The following NOTCH4 variants were observed in gnomAD, a reference collection of about 807,000 sequenced individuals.
The protein encoded by NOTCH4 is neurogenic locus notch homolog protein 4.
Under a neutral mutation model 189.0 loss-of-function variants are expected in NOTCH4, and 138 were observed. The ratio of observed to expected loss-of-function variants is 0.73; its 90% CI spans 0.64 to 0.84. The LOEUF (loss-of-function observed/expected upper bound fraction) is 0.84, where lower values mean the gene tolerates loss of function less well. Among genes scored for constraint, NOTCH4 ranks in the 40% least tolerant of loss-of-function variants. NOTCH4 has a pLI of 0.00. For synonymous variants in NOTCH4, 942 were observed against 1,032.8 expected, an observed-to-expected ratio of 0.91 and a Z score of 1.69; for missense variants, 2,286 against 2,605.4, an observed-to-expected ratio of 0.88 and a Z score of 2.67.
chr6:32,202,268 T>C lies in NOTCH4; in HGVS notation c.3563A>G (p.Asp1188Gly). The change falls in exon 21 of 30, where the codon GAT becomes GGT. Residue 1188 changes from aspartate to glycine, a missense_variant. Transcript: ENST00000375023. This position sits in a 1 kb window ranked among gnomAD's most constrained non-coding sequence, Gnocchi z 5.7. ...TCCTCCCGGGCCACTGCAGCCAGCA[T>C]CGCAGGCCCCATCTCCACTTCTGCC... ...CEGRSGDGAC[D>G]AGCSGPGGNW... 6.3e-7 allele frequency: 1 copy of C among 1,591,926 alleles called. No homozygotes were observed. Among genetic ancestry groups the C allele is most frequent in the Non-Finnish European group, 8.6e-7 (1 of 1,165,148 alleles).
intron 18 of NOTCH4, among the ~76,000 whole-genome samples, chr6:32,205,547 CAA>C (rs9281672): frequency 7.7e-5 from 4 of 52,166 alleles, no homozygotes; most frequent in Non-Finnish European, 9.6e-5. Flanking sequence ...GATGCTGTCT[CAA>C]AAAAAAAAAA....
chr6:32,220,902 T>A (rs1267736217), intron 4 of NOTCH4, 24 bp from the exon 5 acceptor site: 19 of 1,609,850 alleles, frequency 1.2e-5, no homozygotes, highest in Non-Finnish European at 1.6e-5. Flanking sequence ...GGATCAGCTG[T>A]GGGAGGAGGC....
chr6:32,213,728 T>G lies in NOTCH4; in HGVS notation c.2280A>C (p.Thr760=). 5 of 1,612,842 alleles carry G rather than the reference T, an allele frequency of 3.1e-6. No homozygotes were observed. In the South Asian group the frequency reaches 5.5e-5, roughly 18 times the overall value. ...CAGTGCTGGTTTGGCACTGGGGCCC[T>G]GTGTGGCTTGGAGGGCAGGTGCAGT... ...GYYCTCPPSH[T]GPQCQTSTDY... Residue 760 remains threonine, a synonymous_variant, in exon 14 of 30, where the codon ACA becomes ACC. Coordinates refer to ENST00000375023, the MANE Select transcript of NOTCH4 (RefSeq NM_004557.4).
Sources: gnomAD v4.1 joint callset for allele counts (sites outside exome capture counted in the v4.1 genomes callset) on GRCh38, gnomAD v4.1.1 for gene constraint, Gnocchi (gnomAD v3.1) non-coding constraint, MANE v1.5 for transcripts, NCBI Gene and HGNC (gene_info 2026-07-23, HGNC 2026-07-21) for gene names.